Variants in NSD2 observed in about 807,000 individuals in gnomAD.
The protein encoded by NSD2 is nuclear receptor binding SET domain protein 2.
A neutral mutation model predicts 139.0 loss-of-function variants in NSD2; 12 were observed. That is an observed-to-expected ratio of 0.09 (90% CI 0.06 to 0.14). The LOEUF (loss-of-function observed/expected upper bound fraction) is 0.14, where lower values mean the gene tolerates loss of function less well. Among genes scored for constraint, NSD2 ranks in the 10% least tolerant of loss-of-function variants. The pLI is 1.00. For missense variants in NSD2, 1,155 were observed against 1,745.0 expected, an observed-to-expected ratio of 0.66 and a Z score of 6.02; for synonymous variants, 669 against 648.7, an observed-to-expected ratio of 1.03 and a Z score of -0.48.
At chr4:1,941,697 C>T (rs1577502798) in intron 9 of NSD2, 3 of 1,045,254 alleles carry the variant, frequency 2.9e-6, no homozygotes, top group Non-Finnish European at 3.5e-6. Flanking sequence ...TATATGAAAA[C>T]GTTTAAATTA....
chr4:1,887,654 G>A (rs911902661), intron 1 of NSD2: 1 of 152,258 alleles, frequency 6.6e-6, no homozygotes, highest in Non-Finnish European at 1.5e-5. Context: ...GCTAATTTTT[G>A]TTGGCTGTTT....
At chr4:1,878,141 A>T (rs1294945816) in intron 1 of NSD2, among the ~76,000 whole-genome samples, 1 of 143,108 alleles carries the variant, frequency 7.0e-6, no homozygotes, top group African/African-American at 2.6e-5. Context: ...GCTCACCACA[A>T]CCTCTGCTTC....
rs1012092477 is a variant in NSD2 at position 1,981,531 on chromosome 4, C to T, written c.*2622C>T. 5.9e-5 allele frequency: 17 copies of T among 286,288 alleles called. No homozygotes were observed. The highest frequency in any genetic ancestry group is 3.2e-4 in the African/African-American group (15 of 46,910). 17.7% of individuals were successfully genotyped at this position (286,288 alleles called of 1,614,324 possible). ...ATCTGCACCTAAACCCATACCCACC[C>T]GTGTGCGCCCACAGGGGGATGTGTC... On this transcript the variant is annotated 3_prime_UTR_variant, in exon 22 of 22. Coordinates refer to ENST00000508803, the MANE Select transcript of NSD2 (RefSeq NM_001042424.3).
chr4:1,948,088 G>T lies in NSD2; in HGVS notation c.1882-2984G>T. ...TGCCCTGAAGGAATGTATTTCTAAG[G>T]CAAATAGGCAACTTGGTACTATCTT... On this transcript the variant is annotated intron_variant, in intron 9 of 21. Transcript: ENST00000508803. This position sits in a 1 kb window ranked among gnomAD's most constrained non-coding sequence, Gnocchi z 4.5. The T allele has an allele frequency of 9.4e-7, 1 of 1,058,480 alleles. No homozygotes were observed. Among genetic ancestry groups the T allele is most frequent in the Non-Finnish European group, 1.1e-6 (1 of 874,714 alleles). The allele number at this position is 1,058,480 out of a possible 1,614,324, so 65.6% of individuals were successfully genotyped here.
At chr4:1,935,335 C>T in intron 7 of NSD2, 73 bp downstream of exon 7, 1 of 1,150,086 alleles carries the variant, frequency 8.7e-7, no homozygotes, top group Non-Finnish European at 1.3e-6. Context: ...TGTTTCCCTG[C>T]ATGGGAGCAC....
chr4:1,952,697 C>T, intron 11 of NSD2: 3 of 1,066,856 alleles, frequency 2.8e-6, no homozygotes, highest in Non-Finnish European at 3.4e-6. Context: ...AGAACAGCTC[C>T]AGGCTTGTCC....
intron 4 of NSD2, among the ~76,000 whole-genome samples, chr4:1,917,814 T>G (rs1719604508): frequency 6.7e-6 from 1 of 148,206 alleles, no homozygotes; most frequent in African/African-American, 2.5e-5. Context: ...AGGGTCTTGC[T>G]CTGTCACCCC....
chr4:1,942,716 G>C lies in NSD2; in HGVS notation c.1881+2938G>C. 1 of 1,095,376 alleles carries C rather than the reference G, an allele frequency of 9.1e-7. No homozygotes were observed. The highest frequency in any genetic ancestry group is 1.1e-6 in the Non-Finnish European group (1 of 897,774). The allele number at this position is 1,095,376 out of a possible 1,614,324, so 67.9% of individuals were successfully genotyped here. A position where few individuals can be genotyped will look rare whatever the true frequency, so the allele number is the denominator to read the frequency against. Reference sequence around the variant, plus strand: ...AGCTGCAGCAGGGCTTTGCACGGAAGGGGTGGCCCTGTTAGAGTTGCTTCT... The same window carrying C: ...AGCTGCAGCAGGGCTTTGCACGGAACGGGTGGCCCTGTTAGAGTTGCTTCT... On this transcript the variant is annotated intron_variant, in intron 9 of 21. Transcript: ENST00000508803. This position sits in a 1 kb window ranked among gnomAD's most constrained non-coding sequence, Gnocchi z 4.0.
chr4:1,924,218 G>T (rs574015244), intron 5 of NSD2, among the ~76,000 whole-genome samples: 50 of 152,284 alleles, frequency 3.3e-4, no homozygotes, highest in African/African-American at 1.2e-3. Context: ...AGCAATGTGT[G>T]TACAGCCACC....
Position 1,938,477 on chromosome 4 carries a change from C to T in NSD2, c.1701C>T (p.Ala567=). The change falls in exon 8 of 22, where the codon GCC becomes GCT. Residue 567 remains alanine (A), a synonymous_variant. Transcript: ENST00000508803. ...GAGACACAATCACTGACAAAACGGC[C>T]AGAACAAGCTCTTACAAGGCCATGG... ...RKRDTITDKT[A]RTSSYKAMEA... 1 of 1,530,728 alleles carries T rather than the reference C, an allele frequency of 6.5e-7. No individual in the cohort carries two copies. The highest frequency in any genetic ancestry group is 8.8e-7 in the Non-Finnish European group (1 of 1,135,514). The allele number at this position is 1,530,728 out of a possible 1,614,324, so 94.8% of individuals were successfully genotyped here. A position where few individuals can be genotyped will look rare whatever the true frequency, so the allele number is the denominator to read the frequency against.
At chr4:1,959,154 C>A (rs945502226) in intron 16 of NSD2, among the ~76,000 whole-genome samples, 1 of 152,196 alleles carries the variant, frequency 6.6e-6, no homozygotes, top group Non-Finnish European at 1.5e-5. Flanking sequence ...GCAATCAACA[C>A]GCTTTTTCTC....
intron 1 of NSD2, among the ~76,000 whole-genome samples, chr4:1,886,122 GTC>G (rs1185453938): frequency 6.6e-6 from 1 of 152,204 alleles, no homozygotes; most frequent in Non-Finnish European, 1.5e-5. Context: ...TGCTTTGTGA[GTC>G]TTGTAATCAA....
intron 8 of NSD2, 52 bp downstream of exon 8, chr4:1,938,584 CTGGG>C: frequency 2.0e-6 from 1 of 511,632 alleles, no homozygotes; most frequent in Non-Finnish European, 3.7e-6. Flanking sequence ...CCAGGCTGGG[CTGGG>C]TGGGTGGGCT....
Position 1,953,437 on chromosome 4 carries a change from G to A in NSD2, c.2251G>A (p.Val751Ile). 2.5e-6 allele frequency: 4 copies of A among 1,614,166 alleles called. No individual in the cohort carries two copies. Among genetic ancestry groups the A allele is most frequent in the Non-Finnish European group, 3.4e-6 (4 of 1,180,022 alleles). Residue 751 changes from valine (V) to isoleucine (I), a missense_variant, in exon 12 of 22, where the codon GTA becomes ATA. Physicochemically the swap from Val to Ile is conservative, Grantham distance 29 (BLOSUM62 3). Transcript: ENST00000508803. ...TTGTGTGAAAAAATACCCTCTGACT[G>A]TATTTGAGAGCCGAGGTTTCCGCTG... Reference protein sequence around the residue: ...EACVKKYPLTVFESRGFRCPL... With the variant: ...EACVKKYPLTIFESRGFRCPL...
In NSD2 at chr4:1,979,059, A is replaced by G. The variant is rs1049682880; in HGVS notation, c.*150A>G. ...CCTCCTCGGGAGGGAGCGCCTCCCC[A>G]CCACTGAGCCATCCTCAGCAGCGTC... On this transcript the variant is annotated 3_prime_UTR_variant, in exon 22 of 22. Transcript: ENST00000508803. 7 of 988,516 alleles carry G rather than the reference A, an allele frequency of 7.1e-6. No homozygotes were observed. The highest frequency in any genetic ancestry group is 5.6e-5 in the East Asian group (2 of 35,648). The allele number at this position is 988,516 out of a possible 1,614,324, so 61.2% of individuals were successfully genotyped here.
At chr4:1,909,782 A>G (rs1354880532) in intron 3 of NSD2, among the ~76,000 whole-genome samples, 1 of 151,818 alleles carries the variant, frequency 6.6e-6, no homozygotes, top group Middle Eastern at 3.2e-3. Context: ...CTGGGATTAC[A>G]GGTGCACACC....
At position 1,972,181 on chromosome 4, in the gene NSD2, A is replaced by G. The variant is rs1035262286; in HGVS notation, c.3373-2682A>G. On this transcript the variant is annotated intron_variant, in intron 18 of 21. Transcript: ENST00000508803. This position sits in a 1 kb window ranked among gnomAD's most constrained non-coding sequence, Gnocchi z 4.0. ...AGGTTTTCCCCTGCCCTCCTCATGT[A>G]TGCAGAGCCACAAAGAGCATTGATG... Among the ~76,000 whole-genome samples the G allele has an allele frequency of 1.3e-5, 2 of 152,208 alleles. No homozygotes were observed. The highest frequency in any genetic ancestry group is 2.9e-5 in the Non-Finnish European group (2 of 68,030).
chr4:1,883,981 C>T (rs961432208), intron 1 of NSD2, among the ~76,000 whole-genome samples: 1 of 152,216 alleles, frequency 6.6e-6, no homozygotes, highest in Non-Finnish European at 1.5e-5. Flanking sequence ...ACAACTTATT[C>T]TTCCTTAAGT....
chr4:1,924,453 A>G (rs879919942), intron 5 of NSD2, among the ~76,000 whole-genome samples: 3 of 152,100 alleles, frequency 2.0e-5, no homozygotes, highest in Admixed American at 2.0e-4. Context: ...AAAAATGGGT[A>G]CCTGAGAATT....
Sources: allele counts gnomAD v4.1 joint callset (sites outside exome capture counted in the v4.1 genomes callset), GRCh38; gene constraint gnomAD v4.1.1; non-coding constraint Gnocchi (gnomAD v3.1); transcripts MANE v1.5; gene names NCBI Gene and HGNC (gene_info 2026-07-23, HGNC 2026-07-21).